The following MOGS variants were observed in gnomAD, a reference collection of about 807,000 sequenced individuals.
The protein encoded by MOGS is mannosyl-oligosaccharide glucosidase.
In MOGS, 45 loss-of-function variants were observed where a neutral mutation model predicts 68.5. The ratio of observed to expected loss-of-function variants is 0.66; its 90% CI spans 0.52 to 0.84. The LOEUF (loss-of-function observed/expected upper bound fraction) is 0.84, where lower values mean the gene tolerates loss of function less well. Ranked by LOEUF, MOGS falls within the 40% of genes least tolerant of loss-of-function variation. MOGS has a pLI of 0.00. For missense variants in MOGS, 1,020 were observed against 1,095.0 expected, an observed-to-expected ratio of 0.93 and a Z score of 0.97; for synonymous variants, 492 against 461.2, an observed-to-expected ratio of 1.07 and a Z score of -0.86.
At chr2:74,463,958 TGG>T (rs1671999760) in intron 2 of MOGS, among the ~76,000 whole-genome samples, 47 of 114,188 alleles carry the variant, frequency 4.1e-4, no homozygotes, top group African/African-American at 1.6e-3. Flanking sequence ...CCACCGCGCC[TGG>T]CTTTTTTTTT....
At chr2:74,464,796 A>C (rs1404698044) in intron 1 of MOGS, 74 bp from the exon 2 acceptor site, 2 of 1,562,666 alleles carry the variant, frequency 1.3e-6, no homozygotes, top group Admixed American at 3.6e-5. Flanking sequence ...ATCCCTCTTC[A>C]TAACTCTCCT....
rs373586631 is a variant in MOGS at position 74,461,347 on chromosome 2, C to T, written c.2442G>A (p.Gly814=). The change falls in exon 4 of 4, where the codon GGG becomes GGA. Residue 814 remains glycine, a synonymous_variant. Transcript: ENST00000448666. ...GGAAAGGGCGGCAGCCCATGCCTCG[C>T]CCATCGCGGTCACTGTACTGCTCCC... ...FLWEQYSDRD[G]RGMGCRPFHG... is the part of the protein sequence containing the mutation. 4 of 1,614,006 alleles carry T rather than the reference C, an allele frequency of 2.5e-6. No homozygotes were observed. In the African/African-American group the frequency reaches 5.3e-5, roughly 22 times the overall value.
rs1057520537 is a variant in MOGS at position 74,461,988 on chromosome 2, G to A, written c.1801C>T (p.Arg601Ter). 6.8e-6 allele frequency: 11 copies of A among 1,614,042 alleles called. No homozygotes were observed. Among genetic ancestry groups the A allele is most frequent in the East Asian group, 2.2e-5 (1 of 44,888 alleles). The change falls in exon 4 of 4, where the codon CGA becomes TGA. Residue 601 changes from arginine to a stop codon, truncating the protein, a stop_gained. Coordinates refer to ENST00000448666, the MANE Select transcript of MOGS (RefSeq NM_006302.3). LOFTEE classifies it high-confidence loss of function. ...PSVTERHLDL[R>*]CWVALGARVL... ...CGGGCACCCAGTGCCACCCAACATC[G>A]CAGGTCCAGGTGCCGCTCGGTTACT...
At position 74,464,638 on chromosome 2, in the gene MOGS, T is replaced by C; in HGVS notation, c.437A>G (p.Tyr146Cys). The C allele has an allele frequency of 2.5e-6, 4 of 1,614,086 alleles. No homozygotes were observed. Among genetic ancestry groups the C allele is most frequent in the African/African-American group, 1.3e-5 (1 of 75,060 alleles). ...GAGGCCGTCGTGGAACTCCCAGCCA[T>C]AGGGACCCACACCGTCCCCCTGCTC... Reference protein sequence around the residue: ...TCEQGDGVGPYGWEFHDGLSF... With the variant: ...TCEQGDGVGPCGWEFHDGLSF... The change falls in exon 2 of 4, where the codon TAT becomes TGT. Residue 146 changes from tyrosine (Y) to cysteine (C), a missense_variant. Physicochemically the swap from Tyr to Cys is radical, Grantham distance 194 (BLOSUM62 -2). Transcript: ENST00000448666.
chr2:74,462,894 C>T lies in MOGS; in HGVS notation c.895G>A (p.Gly299Ser), dbSNP rs746113375. Residue 299 changes from glycine (G) to serine (S), a missense_variant, in exon 4 of 4, where the codon GGC becomes AGC. By Grantham distance (56) the Gly-to-Ser change is moderately conservative. Transcript: ENST00000448666. Reference sequence around the variant, plus strand: ...TCCCACTTCAGGGATCCTGGCAAGCCGAGGTAGCGTTCAGGGGGGGCCCCT... The same window carrying T: ...TCCCACTTCAGGGATCCTGGCAAGCTGAGGTAGCGTTCAGGGGGGGCCCCT... ...PPGAPPERYL[G>S]LPGSLKWEDR... The T allele has an allele frequency of 1.5e-5, 24 of 1,614,034 alleles. No individual in the cohort carries two copies. Among genetic ancestry groups the T allele is most frequent in the East Asian group, 4.5e-5 (2 of 44,896 alleles).
At chr2:74,463,094 A>T in intron 3 of MOGS, 82 bp from the exon 4 acceptor site, 2 of 1,610,158 alleles carry the variant, frequency 1.2e-6, no homozygotes, top group Non-Finnish European at 1.7e-6. Context: ...AGTGTTCAGG[A>T]GTCAGGTTGG....
chr2:74,463,443 T>C lies in MOGS; in HGVS notation c.580-57A>G, dbSNP rs1330105245. On this transcript the variant is annotated intron_variant, in intron 2 of 3. Coordinates refer to ENST00000448666, the MANE Select transcript of MOGS (RefSeq NM_006302.3). ...TGTTAGATTGGCATTCTCTCTTGAA[T>C]TCCCTCTTGAGAATCAGCCTTAGTG... 9.6e-6 allele frequency: 15 copies of C among 1,555,024 alleles called. No individual in the cohort carries two copies. In the East Asian group the frequency reaches 3.1e-4, roughly 33 times the overall value.
At position 74,462,037 on chromosome 2, in the gene MOGS, G is replaced by A. The variant is rs780320452; in HGVS notation, c.1752C>T (p.Asp584=). Reference sequence around the variant, plus strand: ...CTGAAGGGTGTGAAGCCCGGGGGTAGTCATCCAGCCCAGAGGGTAGGGTCT... The same window carrying A: ...CTGAAGGGTGTGAAGCCCGGGGGTAATCATCCAGCCCAGAGGGTAGGGTCT... ...NPKTLPSGLD[D]YPRASHPSVT... Residue 584 remains aspartate, a synonymous_variant, in exon 4 of 4, where the codon GAC becomes GAT. Coordinates refer to ENST00000448666, the MANE Select transcript of MOGS (RefSeq NM_006302.3). 1.9e-6 allele frequency: 3 copies of A among 1,614,204 alleles called. No homozygotes were observed. In the South Asian group the frequency reaches 3.3e-5, roughly 18 times the overall value.
At chr2:74,463,432 T>A in intron 2 of MOGS, 46 bp from the exon 3 acceptor site, 1 of 1,583,460 alleles carries the variant, frequency 6.3e-7, no homozygotes, top group Non-Finnish European at 8.7e-7. Context: ...AGATTGGCAT[T>A]CTCTCTTGAA....
rs773221609 is a variant in MOGS, at chr2:74,462,840, C to T, written c.949G>A (p.Gly317Arg). 4.3e-6 allele frequency: 7 copies of T among 1,614,206 alleles called. No homozygotes were observed. The highest frequency in any genetic ancestry group is 5.9e-6 in the Non-Finnish European group (7 of 1,180,044). ...EDRGPSGQGQGQFLIQQVTLK... is the reference protein window; with the variant it reads ...EDRGPSGQGQRQFLIQQVTLK... ...GTCACCTGCTGTATCAAGAACTGCC[C>T]CTGCCCTTGCCCACTTGGACCTCTG... Residue 317 changes from glycine to arginine, a missense_variant, in exon 4 of 4, where the codon GGG (glycine) becomes AGG (arginine). Coordinates refer to ENST00000448666, the MANE Select transcript of MOGS (RefSeq NM_006302.3).
Position 74,463,379 on chromosome 2 carries a change from C to G in MOGS, c.587G>C (p.Gly196Ala). Residue 196 changes from glycine to alanine, a missense_variant, in exon 3 of 4, where the codon GGT becomes GCT. Around this residue, in one of 3 missense-constraint regions of MOGS, gnomAD observed 569 missense variants for 571.9 expected, o/e 0.99. Coordinates refer to ENST00000448666, the MANE Select transcript of MOGS (RefSeq NM_006302.3). ...GGAGACCAAAGGGAGGGCAGAAGTA[C>G]CTGAGTCCTGAGTGACCAACGAGGA... ...WRVTVEPQDS[G>A]TSALPLVSLF... 1 of 1,614,098 alleles carries G rather than the reference C, an allele frequency of 6.2e-7. No homozygotes were observed. The highest frequency in any genetic ancestry group is 8.5e-7 in the Non-Finnish European group (1 of 1,179,982).
rs777466858 is a variant in MOGS, at chr2:74,461,433, C to T, written c.2356G>A (p.Glu786Lys). The change falls in exon 4 of 4, where the codon GAG (glutamate) becomes AAG (lysine). Residue 786 changes from glutamate to lysine, a missense_variant. Physicochemically the swap from Glu to Lys is moderately conservative, Grantham distance 56. This residue lies in a region of MOGS where 270 missense variants were observed against 261.3 expected (regional missense o/e 1.03). Coordinates refer to ENST00000448666, the MANE Select transcript of MOGS (RefSeq NM_006302.3). ...HQARAAKLHGELRANVVGNVW... is the reference protein window; with the variant it reads ...HQARAAKLHGKLRANVVGNVW... ...TTGCCTACCACGTTGGCACGGAGCT[C>T]ACCGTGGAGTTTGGCAGCCCGAGCC... The T allele has an allele frequency of 1.2e-6, 2 of 1,614,236 alleles. No individual in the cohort carries two copies. Among genetic ancestry groups the T allele is most frequent in the South Asian group, 2.2e-5 (2 of 91,092 alleles).
In MOGS at chr2:74,465,134, A is replaced by G. The variant is rs941574386; in HGVS notation, c.114T>C (p.Arg38=). Residue 38 remains arginine, a synonymous_variant, in exon 1 of 4, where the codon CGT becomes CGC. Transcript: ENST00000448666. ...GRRDGRGGGP[R]STAGGVALAV... Reference sequence around the variant, plus strand: ...CCAGAGCCACTCCTCCAGCCGTGCTACGCGGCCCGCCGCCCCGGCCGTCCC... The same window carrying G: ...CCAGAGCCACTCCTCCAGCCGTGCTGCGCGGCCCGCCGCCCCGGCCGTCCC... 1 of 1,534,028 alleles carries G rather than the reference A, an allele frequency of 6.5e-7. No homozygotes were observed. The highest frequency in any genetic ancestry group is 1.4e-5 in the African/African-American group (1 of 72,070).
Position 74,463,298 on chromosome 2 carries a change from G to A in MOGS, c.668C>T (p.Ala223Val). 1 of 1,614,180 alleles carries A rather than the reference G, an allele frequency of 6.2e-7. No homozygotes were observed. The highest frequency in any genetic ancestry group is 8.5e-7 in the Non-Finnish European group (1 of 1,180,038). The change falls in exon 3 of 4, where the codon GCC becomes GTC. Residue 223 changes from alanine (A) to valine (V), a missense_variant. By Grantham distance (64) the Ala-to-Val change is moderately conservative. Coordinates refer to ENST00000448666, the MANE Select transcript of MOGS (RefSeq NM_006302.3). ...GKEVLLPEVG[A>V]KGQLKFISGH... ...ACTGATAAACTTCAACTGCCCCTTG[G>A]CCCCAACCTCTGGTAGTAGGACTTC...
rs776258630 is a variant in MOGS, at chr2:74,462,320, A to G, written c.1469T>C (p.Leu490Pro). ...CACCCGGGCTCGGGCCTCATCCCCC[A>G]GTATCTGCTCCCTCCCAATCCAGCC... ...ADGWIGREQI[L>P]GDEARARVPP... is the part of the protein sequence containing the mutation. The change falls in exon 4 of 4, where the codon CTG (leucine) becomes CCG (proline). Residue 490 changes from leucine (L) to proline (P), a missense_variant. Physicochemically the swap from Leu to Pro is moderately conservative, Grantham distance 98 (BLOSUM62 -3). This residue lies in a region of MOGS where 181 missense variants were observed against 261.8 expected (regional missense o/e 0.69). Coordinates refer to ENST00000448666, the MANE Select transcript of MOGS (RefSeq NM_006302.3). 1.9e-6 allele frequency: 3 copies of G among 1,613,952 alleles called. No individual in the cohort carries two copies. The highest frequency in any genetic ancestry group is 4.5e-5 in the East Asian group (2 of 44,888).
rs778742728 is a variant in MOGS, at chr2:74,462,295, C to T, written c.1494G>A (p.Val498=). Residue 498 remains valine (V), a synonymous_variant, in exon 4 of 4, where the codon GTG becomes GTA. Transcript: ENST00000448666. ...CTCGTTGTACTAGGAATTCTGGAGG[C>T]ACCCGGGCTCGGGCCTCATCCCCCA... ...QILGDEARAR[V]PPEFLVQRAV... is the part of the protein sequence containing the mutation. 7 of 1,613,738 alleles carry T rather than the reference C, an allele frequency of 4.3e-6. No homozygotes were observed. Among genetic ancestry groups the T allele is most frequent in the Middle Eastern group, 1.6e-4 (1 of 6,084 alleles).
Position 74,465,214 on chromosome 2 carries a change from G to A in MOGS, c.34C>T (p.Pro12Ser). 6.8e-7 allele frequency: 1 copy of A among 1,467,090 alleles called. No homozygotes were observed. Among genetic ancestry groups the A allele is most frequent in the Non-Finnish European group, 8.9e-7 (1 of 1,125,750 alleles). 90.9% of individuals were successfully genotyped at this position (1,467,090 alleles called of 1,614,324 possible). Residue 12 changes from proline (P) to serine (S), a missense_variant, in exon 1 of 4, where the codon CCG becomes TCG. Around this residue, in one of 3 missense-constraint regions of MOGS, gnomAD observed 569 missense variants for 571.9 expected, o/e 0.99. Transcript: ENST00000448666. Reference protein sequence around the residue: ...ARGERRRRAVPAEGVRTAERA... With the variant: ...ARGERRRRAVSAEGVRTAERA... ...TCGGCTGTCCGCACTCCCTCTGCCG[G>A]CACTGCGCGGCGCCGCCGCTCGCCC...
At position 74,465,126 on chromosome 2, in the gene MOGS, G is replaced by A. The variant is rs910079139; in HGVS notation, c.122C>T (p.Ala41Val). 7.2e-6 allele frequency: 11 copies of A among 1,536,222 alleles called. No homozygotes were observed. Among genetic ancestry groups the A allele is most frequent in the Admixed American group, 5.9e-5 (3 of 50,872 alleles). Residue 41 changes from alanine (A) to valine (V), a missense_variant, in exon 1 of 4, where the codon GCT becomes GTT. Ala to Val is a moderately conservative substitution (Grantham distance 64, BLOSUM62 0). Coordinates refer to ENST00000448666, the MANE Select transcript of MOGS (RefSeq NM_006302.3). ...CACGACGGCCAGAGCCACTCCTCCA[G>A]CCGTGCTACGCGGCCCGCCGCCCCG... ...DGRGGGPRST[A>V]GGVALAVVVL... is the part of the protein sequence containing the mutation.
chr2:74,462,544 G>T lies in MOGS; in HGVS notation c.1245C>A (p.Ile415=). 1 of 1,610,242 alleles carries T rather than the reference G, an allele frequency of 6.2e-7. No individual in the cohort carries two copies. Residue 415 remains isoleucine (I), a synonymous_variant, in exon 4 of 4, where the codon ATC becomes ATA. Coordinates refer to ENST00000448666, the MANE Select transcript of MOGS (RefSeq NM_006302.3). ...FYGQGLVLPD[I]GVEGSEQKVD... ...CCTTCTGCTCAGACCCTTCCACCCC[G>T]ATGTCTGGCAATACCAGCCCTTGTC...
Sources: gnomAD v4.1 joint callset for allele counts (sites outside exome capture counted in the v4.1 genomes callset) on GRCh38, gnomAD v4.1.1 for gene constraint, gnomAD v4.1.1 regional missense constraint, MANE v1.5 for transcripts, NCBI Gene and HGNC (gene_info 2026-07-23, HGNC 2026-07-21) for gene names.